Variants in IQCK observed in about 807,000 individuals in gnomAD.
IQCK encodes the protein IQ motif containing K.
Under a neutral mutation model 28.1 loss-of-function variants are expected in IQCK, and 29 were observed. The observed-to-expected ratio is 1.03, with a 90% confidence interval of 0.77 to 1.41. The LOEUF is 1.41. Among genes scored for constraint, IQCK ranks in the 40% most tolerant of loss-of-function variants. IQCK has a pLI of 0.00. For synonymous variants in IQCK, 113 were observed against 115.1 expected, an observed-to-expected ratio of 0.98 and a Z score of 0.12; for missense variants, 359 against 314.7, an observed-to-expected ratio of 1.14 and a Z score of -1.07.
At chr16:19,819,787 G>T (rs1246659793) in intron 7 of IQCK, among the ~76,000 whole-genome samples, 2 of 152,034 alleles carry the variant, frequency 1.3e-5, no homozygotes, top group East Asian at 3.9e-4. Context: ...GCCACGGGGG[G>T]CAGATCACGA....
intron 4 of IQCK, among the ~76,000 whole-genome samples, chr16:19,756,594 A>C (rs1375054495): frequency 1.3e-5 from 2 of 152,040 alleles, no homozygotes; most frequent in Non-Finnish European, 2.9e-5. Context: ...TCCTTATAAA[A>C]GAGGCTCCAT....
intron 4 of IQCK, among the ~76,000 whole-genome samples, chr16:19,747,890 G>A (rs2054933830): frequency 6.6e-6 from 1 of 152,170 alleles, no homozygotes; most frequent in South Asian, 2.1e-4. Flanking sequence ...TGCAGATACA[G>A]GAAGGGTGGA....
rs192273135 is a variant in IQCK at position 19,727,405 on chromosome 16, G to A, written c.182-3025G>A. Among the ~76,000 whole-genome samples the A allele has an allele frequency of 2.2e-3, 337 of 152,164 alleles. 1 individual carries two copies. Among genetic ancestry groups the A allele is most frequent in the Non-Finnish European group, 2.9e-3 (200 of 67,996 alleles). On this transcript the variant is annotated intron_variant, in intron 1 of 7. Transcript: ENST00000564186. ...AGTTCGAGACCAGCCTGGGCAACACGGTGAAACCCCATCTCTACTAAAATA... is the reference window on the plus strand; with the variant it reads ...AGTTCGAGACCAGCCTGGGCAACACAGTGAAACCCCATCTCTACTAAAATA...
intron 9 of IQCK, among the ~76,000 whole-genome samples, chr16:19,832,746 C>G (rs1480917943): frequency 6.6e-6 from 1 of 152,140 alleles, no homozygotes; most frequent in Non-Finnish European, 1.5e-5. Context: ...ACTTACAGTT[C>G]TGCATGGCTG....
chr16:19,760,974 C>T (rs746096947), intron 4 of IQCK, among the ~76,000 whole-genome samples: 2 of 152,116 alleles, frequency 1.3e-5, no homozygotes, highest in Non-Finnish European at 2.9e-5. Flanking sequence ...CATGGTGCTG[C>T]TGGGAGTGTA....
intron 4 of IQCK, among the ~76,000 whole-genome samples, chr16:19,741,874 C>CT (rs762038398): frequency 5.3e-5 from 8 of 152,082 alleles, no homozygotes; most frequent in Non-Finnish European, 8.8e-5. Flanking sequence ...GTAATTTCAG[C>CT]TACTTGGGAG....
At chr16:19,742,722 C>T (rs1238205153) in intron 4 of IQCK, among the ~76,000 whole-genome samples, 2 of 152,154 alleles carry the variant, frequency 1.3e-5, no homozygotes, top group East Asian at 1.9e-4. Flanking sequence ...TGCTGATCTG[C>T]GTTTTGCCCT....
intron 7 of IQCK, among the ~76,000 whole-genome samples, chr16:19,815,727 A>G (rs2055979850): frequency 6.6e-6 from 1 of 152,178 alleles, no homozygotes; most frequent in Non-Finnish European, 1.5e-5. Context: ...AATAATTACC[A>G]GAATGAAAAA....
At chr16:19,739,252 G>A (rs971765074) in intron 4 of IQCK, among the ~76,000 whole-genome samples, 1 of 152,170 alleles carries the variant, frequency 6.6e-6, no homozygotes, top group African/African-American at 2.4e-5. Flanking sequence ...ACATAGGCCT[G>A]GTGAATTCAA....
rs547396523 is a variant in IQCK, at chr16:19,833,518, G to C, written c.802+6381G>C. 2.0e-5 allele frequency among the ~76,000 whole-genome samples: 3 copies of C among 152,282 alleles called. No homozygotes were observed. In the East Asian group the frequency reaches 5.8e-4, roughly 29 times the overall value. ...TCAAGATTAAGTGAGTTTCTTGGAA[G>C]CACACCTTCCTGGAGCTGAGACTTG... On this transcript the variant is annotated intron_variant, in intron 9 of 9. Coordinates refer to the IQCK transcript ENST00000320394.
At chr16:19,810,537 G>T (rs1178342611) in intron 7 of IQCK, among the ~76,000 whole-genome samples, 1 of 150,486 alleles carries the variant, frequency 6.6e-6, no homozygotes, top group Non-Finnish European at 1.5e-5. Context: ...TGGTAGCCAG[G>T]TATGGTGGTT....
chr16:19,819,265 G>T (rs2056031864), intron 7 of IQCK, among the ~76,000 whole-genome samples: 1 of 152,116 alleles, frequency 6.6e-6, no homozygotes, highest in South Asian at 2.1e-4. Context: ...GGCTGAGGCT[G>T]GCAGATCACT....
intron 6 of IQCK, among the ~76,000 whole-genome samples, chr16:19,784,864 G>T (rs1212891170): frequency 6.6e-6 from 1 of 152,198 alleles, no homozygotes; most frequent in African/African-American, 2.4e-5. Flanking sequence ...TGCCTCACAG[G>T]TTCAAACAAT....
chr16:19,833,948 C>T (rs958746244), intron 9 of IQCK, among the ~76,000 whole-genome samples: 5 of 151,928 alleles, frequency 3.3e-5, no homozygotes, highest in Admixed American at 1.3e-4. Context: ...ATTAGCCAGG[C>T]GTGCTAGCAC....
At chr16:19,750,109 T>C (rs1054914429) in intron 4 of IQCK, among the ~76,000 whole-genome samples, 1 of 152,116 alleles carries the variant, frequency 6.6e-6, no homozygotes, top group Admixed American at 6.6e-5. Context: ...TAGTAATTGC[T>C]TCAGATAAGG....
intron 4 of IQCK, among the ~76,000 whole-genome samples, chr16:19,749,390 T>C (rs1015865474): frequency 1.3e-5 from 2 of 152,202 alleles, no homozygotes; most frequent in Non-Finnish European, 2.9e-5. Flanking sequence ...CTACCTATTA[T>C]CTGTAATAGC....
chr16:19,804,430 G>A (rs1026062321), intron 7 of IQCK, among the ~76,000 whole-genome samples: 7 of 151,692 alleles, frequency 4.6e-5, no homozygotes, highest in African/African-American at 1.5e-4. Context: ...TGTGTGTGGT[G>A]GTTTTTTTTG....
At chr16:19,736,897 C>T (rs1978030432) in intron 4 of IQCK, among the ~76,000 whole-genome samples, 1 of 150,756 alleles carries the variant, frequency 6.6e-6, no homozygotes, top group Non-Finnish European at 1.5e-5. Flanking sequence ...CCCATAATCC[C>T]AGCACTTTGG....
chr16:19,769,362 TC>T (rs2055286525), intron 6 of IQCK, among the ~76,000 whole-genome samples: 1 of 152,210 alleles, frequency 6.6e-6, no homozygotes, highest in Non-Finnish European at 1.5e-5. Flanking sequence ...AGCCTCCAGT[TC>T]CTTATTGGTA....
Sources: gnomAD v4.1 joint callset for allele counts (sites outside exome capture counted in the v4.1 genomes callset) on GRCh38, gnomAD v4.1.1 for gene constraint, MANE v1.5 for transcripts, NCBI Gene and HGNC (gene_info 2026-07-23, HGNC 2026-07-21) for gene names.